CACNA2D1: variants seen among roughly 807,000 people sequenced by gnomAD.
CACNA2D1 encodes voltage-dependent calcium channel subunit alpha-2/delta-1.
In CACNA2D1, 53 loss-of-function variants were observed where a neutral mutation model predicts 171.5. That is an observed-to-expected ratio of 0.31 (90% CI 0.25 to 0.39). The LOEUF is 0.39. Ranked by LOEUF, CACNA2D1 falls within the 10% of genes least tolerant of loss-of-function variation. CACNA2D1 has a pLI of 1.00. For missense variants in CACNA2D1, 903 were observed against 1,299.8 expected (o/e 0.69, Z 4.69); for synonymous variants, 442 against 443.1 (o/e 1.00, Z 0.03).
At position 82,411,895 on chromosome 7, in the gene CACNA2D1, T is replaced by TCTCACACA. The variant is rs1554548045; in HGVS notation, c.95+31469_95+31470insTGTGTGAG. On this transcript the variant is annotated intron_variant, in intron 1 of 38. Transcript: ENST00000356860. ...CCTCAAGCCAAACGAAAACTAAATC[T>TCTCACACA]CACACACACACACACACACACACAC... is the stretch of plus-strand genomic sequence containing the variant. Among the ~76,000 whole-genome samples, 1,205 of 144,882 alleles carry TCTCACACA rather than the reference T, an allele frequency of 8.3e-3. 20 individuals are homozygous for TCTCACACA. The highest frequency in any genetic ancestry group is 0.027 in the African/African-American group (1,042 of 39,300).
At position 82,373,693 on chromosome 7, in the gene CACNA2D1, T is replaced by C. The variant is rs756931489; in HGVS notation, c.96-24044A>G. Among the ~76,000 whole-genome samples, 169 of 152,322 alleles carry C rather than the reference T, an allele frequency of 1.1e-3. 2 individuals are homozygous for C. Among genetic ancestry groups the C allele is most frequent in the Non-Finnish European group, 1.9e-3 (132 of 68,022 alleles). The stretch of plus-strand genomic sequence containing the variant: ...TTAGACTGTGGCACCAGTAACTCCC[T>C]AGCTAATGTACAGAACACTGAGCTC... On this transcript the variant is annotated intron_variant, in intron 1 of 38. Coordinates refer to ENST00000356860, the MANE Select transcript of CACNA2D1 (RefSeq NM_000722.4).
chr7:82,359,597 A>C (rs2299176), intron 1 of CACNA2D1, among the ~76,000 whole-genome samples: 111,748 of 151,964 alleles, frequency 0.74, 41,483 homozygotes, highest in African/African-American at 0.85. Context: ...CTCTTCAGCT[A>C]CTGAAAATCA....
intron 3 of CACNA2D1, among the ~76,000 whole-genome samples, chr7:82,261,862 A>G (rs1807146144): frequency 6.6e-6 from 1 of 152,188 alleles, no homozygotes; most frequent in South Asian, 2.1e-4. Flanking sequence ...TTAATGTGGG[A>G]GCTGACAAGC....
At chr7:82,268,233 CAG>C (rs1234337597) in intron 3 of CACNA2D1, among the ~76,000 whole-genome samples, 1 of 152,086 alleles carries the variant, frequency 6.6e-6, no homozygotes, top group African/African-American at 2.4e-5. Context: ...TCAAAGAACA[CAG>C]TGCAATAATT....
At chr7:82,122,927 C>T (rs987044231) in intron 5 of CACNA2D1, among the ~76,000 whole-genome samples, 4 of 152,238 alleles carry the variant, frequency 2.6e-5, no homozygotes, top group Admixed American at 6.5e-5. Flanking sequence ...TTGAAAGGTA[C>T]GAAGATCAAT....
intron 3 of CACNA2D1, among the ~76,000 whole-genome samples, chr7:82,302,250 T>C (rs1156405341): frequency 6.6e-6 from 1 of 152,166 alleles, no homozygotes; most frequent in East Asian, 1.9e-4. Context: ...TTTCCATTTA[T>C]GTAATTGACA....
intron 3 of CACNA2D1, among the ~76,000 whole-genome samples, chr7:82,204,288 G>A (rs566230490): frequency 1.3e-5 from 2 of 152,332 alleles, no homozygotes; most frequent in African/African-American, 4.8e-5. Context: ...CAGCTGGGGA[G>A]CTTATCGAGT....
At chr7:82,172,619 T>C (rs1191876863) in intron 3 of CACNA2D1, among the ~76,000 whole-genome samples, 2 of 37,600 alleles carry the variant, frequency 5.3e-5, no homozygotes, top group Non-Finnish European at 1.7e-4. Context: ...AACCCGGCTT[T>C]TTTTTTTTTT....
At chr7:82,179,120 C>G (rs1422176534) in intron 3 of CACNA2D1, among the ~76,000 whole-genome samples, 1 of 152,138 alleles carries the variant, frequency 6.6e-6, no homozygotes, top group Non-Finnish European at 1.5e-5. Context: ...TAACTCAACA[C>G]TACCTGTCAC....
rs1165674772 is a variant in CACNA2D1, at chr7:82,192,163, G to GA, written c.295-21555dup. 2.7e-3 allele frequency among the ~76,000 whole-genome samples: 396 copies of GA among 144,532 alleles called. 3 individuals are homozygous for GA. The highest frequency in any genetic ancestry group is 7.1e-3 in the Middle Eastern group (2 of 282). The allele number at this position is 144,532 out of a possible 152,430, so 94.8% of individuals were successfully genotyped here. A position where few individuals can be genotyped will look rare whatever the true frequency, so the allele number is the denominator to read the frequency against. ...AATTTAATGTAAAGAAACAGAAAAT[G>GA]AAAAAAAAAACCTAAATAGAATGAC... On this transcript the variant is annotated intron_variant, in intron 3 of 38. Coordinates refer to ENST00000356860, the MANE Select transcript of CACNA2D1 (RefSeq NM_000722.4).
chr7:82,317,132 T>C (rs781335153), intron 3 of CACNA2D1, among the ~76,000 whole-genome samples: 2 of 152,206 alleles, frequency 1.3e-5, no homozygotes, highest in Non-Finnish European at 2.9e-5. Flanking sequence ...ACCATACATG[T>C]GATTCTGCAT....
chr7:82,386,187 G>A (rs1270749724), intron 1 of CACNA2D1, among the ~76,000 whole-genome samples: 2 of 152,034 alleles, frequency 1.3e-5, no homozygotes, highest in Non-Finnish European at 2.9e-5. Context: ...AATACCCACT[G>A]CAATAACTGC....
At chr7:82,418,809 T>G (rs2129456696) in intron 1 of CACNA2D1, among the ~76,000 whole-genome samples, 1 of 152,276 alleles carries the variant, frequency 6.6e-6, no homozygotes, top group East Asian at 1.9e-4. Flanking sequence ...CTATAAAATT[T>G]CAGAGCCACA....
intron 35 of CACNA2D1, among the ~76,000 whole-genome samples, 188 bp downstream of exon 35, chr7:81,962,252 C>T (rs567536109): frequency 6.6e-6 from 1 of 151,916 alleles, no homozygotes; most frequent in African/African-American, 2.4e-5. Context: ...AGATCAGGCC[C>T]GTGTGACCTA....
chr7:82,143,774 T>A (rs1315128664), intron 4 of CACNA2D1, among the ~76,000 whole-genome samples: 1 of 152,144 alleles, frequency 6.6e-6, no homozygotes, highest in Non-Finnish European at 1.5e-5. Flanking sequence ...AACTTTCACC[T>A]TGTATTAATC....
At chr7:82,252,055 T>G (rs1268665711) in intron 3 of CACNA2D1, among the ~76,000 whole-genome samples, 1 of 152,250 alleles carries the variant, frequency 6.6e-6, no homozygotes. Context: ...ATATTTTATT[T>G]ATTAGACAAT....
chr7:81,970,082 CTCAGG>C, intron 27 of CACNA2D1, 98 bp from the exon 28 acceptor site: 1 of 761,544 alleles, frequency 1.3e-6, no homozygotes, highest in Non-Finnish European at 2.4e-6. Context: ...ACGCCTACAT[CTCAGG>C]TATGTCTAAA....
chr7:82,242,569 T>C (rs868857714), intron 3 of CACNA2D1, among the ~76,000 whole-genome samples: 6 of 152,310 alleles, frequency 3.9e-5, no homozygotes, highest in Middle Eastern at 3.4e-3. Context: ...GTCAACTTTT[T>C]CTTGCTCATA....
chr7:82,102,615 G>A (rs258673), intron 6 of CACNA2D1, among the ~76,000 whole-genome samples: 150,190 of 152,192 alleles, frequency 0.99, 74,110 homozygotes, highest in East Asian at 1. Context: ...GGTGTGGAAA[G>A]TGGGGCAGTC....
Sources: allele counts gnomAD v4.1 joint callset (sites outside exome capture counted in the v4.1 genomes callset), GRCh38; gene constraint gnomAD v4.1.1; transcripts MANE v1.5; gene names NCBI Gene and HGNC (gene_info 2026-07-23, HGNC 2026-07-21).